EXOC6: variants seen among roughly 807,000 people sequenced by gnomAD.
EXOC6 encodes the protein SEC15-like 1.
EXOC6 carries 60 observed loss-of-function variants against 112.5 expected under a neutral mutation model. The observed-to-expected ratio is 0.53, with a 90% CI of 0.43 to 0.66. The LOEUF is 0.66. Ranked by LOEUF, EXOC6 falls within the 30% of genes least tolerant of loss-of-function variation. The probability of loss-of-function intolerance (pLI) is 0.00; values close to 1 mark genes in which losing one functional copy is unlikely to be tolerated. For synonymous variants in EXOC6, 295 were observed against 308.0 expected (o/e 0.96, Z 0.44); for missense variants, 855 against 957.1 (o/e 0.89, Z 1.41).
chr10:93,010,774 A>G (rs887937706), intron 19 of EXOC6, among the ~76,000 whole-genome samples: 4 of 152,012 alleles, frequency 2.6e-5, no homozygotes, highest in African/African-American at 9.7e-5. Flanking sequence ...CGTGTTTCAA[A>G]GAGGTTGTCT....
At chr10:92,956,722 C>G (rs1039388044) in intron 17 of EXOC6, among the ~76,000 whole-genome samples, 5 of 152,048 alleles carry the variant, frequency 3.3e-5, no homozygotes, top group African/African-American at 1.2e-4. Flanking sequence ...GCTATTAAAA[C>G]TTAGAAGCCT....
intron 1 of EXOC6, among the ~76,000 whole-genome samples, chr10:92,828,464 G>T (rs1846420291): frequency 6.6e-6 from 1 of 152,076 alleles, no homozygotes; most frequent in African/African-American, 2.4e-5. Context: ...CTCCCAAGTA[G>T]CTGAGACTAC....
At chr10:92,936,728 A>G (rs1302263628) in intron 12 of EXOC6, among the ~76,000 whole-genome samples, 25 of 152,242 alleles carry the variant, frequency 1.6e-4, no homozygotes, top group Non-Finnish European at 2.9e-4. Flanking sequence ...ATTGGGAGTC[A>G]TATCATCCTC....
chr10:92,985,025 A>C lies in EXOC6; in HGVS notation c.1953+10793A>C, dbSNP rs145214111. The stretch of plus-strand genomic sequence containing the variant: ...AAAACAAAACAAAACAAAACAAAAC[A>C]AAACCTGAATTCTAAGAAACATCAA... On this transcript the variant is annotated intron_variant, in intron 18 of 21. Coordinates refer to ENST00000260762, the MANE Select transcript of EXOC6 (RefSeq NM_019053.6). Among the ~76,000 whole-genome samples, 11 of 152,146 alleles carry C rather than the reference A, an allele frequency of 7.2e-5. No homozygotes were observed. In the East Asian group the frequency reaches 9.7e-4, roughly 13 times the overall value.
intron 5 of EXOC6, chr10:92,901,292 G>T (rs367616336): frequency 6.6e-6 from 1 of 152,042 alleles, no homozygotes. Context: ...TATCATTCTT[G>T]CCTTAATCCG....
chr10:92,989,610 T>A (rs1459843287), intron 18 of EXOC6, among the ~76,000 whole-genome samples: 1 of 152,206 alleles, frequency 6.6e-6, no homozygotes, highest in Non-Finnish European at 1.5e-5. Context: ...CTTTGTCCTG[T>A]TGAAGACACA....
chr10:93,007,817 A>G (rs751065241), intron 19 of EXOC6, among the ~76,000 whole-genome samples: 1 of 152,206 alleles, frequency 6.6e-6, no homozygotes, highest in Non-Finnish European at 1.5e-5. Flanking sequence ...GTTTTACTCT[A>G]TTGTTATAAT....
At chr10:92,831,647 T>C (rs949367545), upstream of EXOC6, among the ~76,000 whole-genome samples, 1 of 151,942 alleles carries the variant, frequency 6.6e-6, no homozygotes, top group African/African-American at 2.4e-5. Context: ...GCCAGCCAGG[T>C]TGGTCTTCAA....
intron 1 of EXOC6, among the ~76,000 whole-genome samples, chr10:92,884,761 T>C (rs1315340524): frequency 1.3e-5 from 2 of 152,184 alleles, no homozygotes; most frequent in Admixed American, 6.5e-5. Context: ...ATTAAAAAGA[T>C]ACCCAAAATA....
At chr10:92,847,958 C>T (rs1564767647), upstream of EXOC6, among the ~76,000 whole-genome samples, 1 of 150,324 alleles carries the variant, frequency 6.7e-6, no homozygotes, top group African/African-American at 2.4e-5. Flanking sequence ...TTCTTGCAGG[C>T]GGGGACATGA....
chr10:92,845,289 A>C (rs1461503692), upstream of EXOC6, among the ~76,000 whole-genome samples: 2 of 152,034 alleles, frequency 1.3e-5, no homozygotes, highest in East Asian at 3.9e-4. Flanking sequence ...GTGGTGGCTC[A>C]TGCCTGTAAT....
At chr10:92,940,104 G>A (rs1852572265) in intron 12 of EXOC6, among the ~76,000 whole-genome samples, 1 of 152,084 alleles carries the variant, frequency 6.6e-6, no homozygotes, top group Admixed American at 6.6e-5. Flanking sequence ...GTTAACCCAT[G>A]GAATGGTTTA....
At chr10:93,031,209 C>T (rs561468519) in intron 20 of EXOC6, among the ~76,000 whole-genome samples, 2 of 152,140 alleles carry the variant, frequency 1.3e-5, no homozygotes, top group African/African-American at 4.8e-5. Context: ...TGTTCTTTTT[C>T]CTGTCATCAC....
At chr10:93,005,879 G>C (rs1301354390) in intron 19 of EXOC6, among the ~76,000 whole-genome samples, 3 of 152,182 alleles carry the variant, frequency 2.0e-5, no homozygotes, top group African/African-American at 4.8e-5. Context: ...AACTTAACCT[G>C]CTGGGCACAA....
At chr10:92,856,905 G>A (rs35903569) in intron 1 of EXOC6, among the ~76,000 whole-genome samples, 1,633 of 152,188 alleles carry the variant, frequency 0.011, 33 homozygotes, top group African/African-American at 0.037. Flanking sequence ...TTGTTTTAAA[G>A]TCTGTTATGT....
intron 7 of EXOC6, among the ~76,000 whole-genome samples, chr10:92,918,425 T>G (rs1851236767): frequency 6.6e-6 from 1 of 151,840 alleles, no homozygotes; most frequent in African/African-American, 2.4e-5. Flanking sequence ...TCTTTTTTTT[T>G]TTTTTTGAGA....
At chr10:93,006,455 A>C (rs1280878877) in intron 19 of EXOC6, among the ~76,000 whole-genome samples, 1 of 152,210 alleles carries the variant, frequency 6.6e-6, no homozygotes, top group East Asian at 1.9e-4. Context: ...GTTTAATTCC[A>C]AGAAATGGAG....
At chr10:93,024,026 T>A (rs1237623988) in intron 20 of EXOC6, among the ~76,000 whole-genome samples, 1 of 152,234 alleles carries the variant, frequency 6.6e-6, no homozygotes, top group Non-Finnish European at 1.5e-5. Flanking sequence ...CTCACTTTCA[T>A]AGCTTCTAAC....
chr10:93,056,259 C>T (rs1443991965), intron 20 of EXOC6, among the ~76,000 whole-genome samples: 1 of 152,138 alleles, frequency 6.6e-6, no homozygotes, highest in Non-Finnish European at 1.5e-5. Context: ...AGTAAATAGT[C>T]AATTTTAAGA....
Sources: gnomAD v4.1 joint callset for allele counts (sites outside exome capture counted in the v4.1 genomes callset) on GRCh38, gnomAD v4.1.1 for gene constraint, MANE v1.5 for transcripts, NCBI Gene and HGNC (gene_info 2026-07-23, HGNC 2026-07-21) for gene names.